CHAF1B: variants seen among roughly 807,000 people sequenced by gnomAD.
The protein encoded by CHAF1B is chromatin assembly factor 1 subunit B, also known as CAF-1 subunit B.
A neutral mutation model predicts 60.7 loss-of-function variants in CHAF1B; 10 were observed. That is an observed-to-expected ratio of 0.16 (90% confidence interval 0.10 to 0.28). The LOEUF is 0.28. Ranked by LOEUF, CHAF1B falls within the 10% of genes least tolerant of loss-of-function variation. The probability of loss-of-function intolerance (pLI) is 1.00; values close to 1 mark genes in which losing one functional copy is unlikely to be tolerated. For missense variants in CHAF1B, 558 were observed against 708.4 expected (o/e 0.79, Z 2.41); for synonymous variants, 261 against 266.1 (o/e 0.98, Z 0.19).
At chr21:36,400,437 C>T (rs1312423050) in intron 7 of CHAF1B, among the ~76,000 whole-genome samples, 1 of 152,098 alleles carries the variant, frequency 6.6e-6, no homozygotes, top group Non-Finnish European at 1.5e-5. Context: ...CACCATTGCA[C>T]TCCAGCCTGG....
intron 4 of CHAF1B, among the ~76,000 whole-genome samples, chr21:36,393,576 C>T (rs372211386): frequency 1.2e-4 from 18 of 150,796 alleles, no homozygotes; most frequent in Admixed American, 7.3e-4. Context: ...CTCAGCCTCC[C>T]GAGTAGCTGG....
At chr21:36,390,396 A>G (rs2086077398) in intron 3 of CHAF1B, among the ~76,000 whole-genome samples, 1 of 151,870 alleles carries the variant, frequency 6.6e-6, no homozygotes, top group African/African-American at 2.4e-5. Flanking sequence ...TCACAACCTC[A>G]TTCATTCACT....
At chr21:36,406,310 G>A (rs1170347155) in intron 8 of CHAF1B, among the ~76,000 whole-genome samples, 1 of 152,148 alleles carries the variant, frequency 6.6e-6, no homozygotes, top group Non-Finnish European at 1.5e-5. Context: ...TTTTTGAGAG[G>A]GTTTCACCCT....
chr21:36,397,443 TA>T lies in CHAF1B; in HGVS notation c.514del (p.Ser172ValfsTer6). ...AAAAGATATCAATTTTTAATGAACA[TA>T]AAAGTTATGTCCAAGGAGTAACCTG... ...GQKISIFNEH[K>X]SYVQGVTWDP... On this transcript the variant is annotated frameshift_variant, in exon 6 of 14. Transcript: ENST00000314103. LOFTEE classifies it high-confidence loss of function. 6.4e-7 allele frequency: 1 copy of T among 1,563,328 alleles called. No individual in the cohort carries two copies. The highest frequency in any genetic ancestry group is 8.7e-7 in the Non-Finnish European group (1 of 1,145,078).
intron 3 of CHAF1B, among the ~76,000 whole-genome samples, chr21:36,389,805 G>GCGCC (rs1461144860): frequency 6.6e-6 from 1 of 151,054 alleles, no homozygotes; most frequent in African/African-American, 2.4e-5. Flanking sequence ...GTGTGTGCGC[G>GCGCC]CGCACGCTGA....
At chr21:36,404,726 G>A (rs1437270791) in intron 8 of CHAF1B, among the ~76,000 whole-genome samples, 3 of 123,606 alleles carry the variant, frequency 2.4e-5, no homozygotes, top group South Asian at 2.6e-4. Context: ...GAGCCATTGC[G>A]CTGGCCTTTT....
At chr21:36,394,508 G>A (rs1601559142) in intron 4 of CHAF1B, 39 bp from the exon 5 acceptor site, 1 of 1,390,980 alleles carries the variant, frequency 7.2e-7, no homozygotes, top group Non-Finnish European at 1.0e-6. Flanking sequence ...CTATACCTGG[G>A]GAGTAATTGC....
In CHAF1B at chr21:36,417,277, GATAC is replaced by G. The variant is rs921241457; in HGVS notation, c.*915_*918del. 6.8e-6 allele frequency: 1 copy of G among 146,046 alleles called. No homozygotes were observed. The highest frequency in any genetic ancestry group is 2.6e-5 in the African/African-American group (1 of 38,814). 9.0% of individuals were successfully genotyped at this position (146,046 alleles called of 1,614,324 possible). On this transcript the variant is annotated 3_prime_UTR_variant, in exon 14 of 14. Transcript: ENST00000314103. ...TGCACCCACACACACACATATATAT[GATAC>G]ATATATATATATATACACACACACA...
intron 8 of CHAF1B, among the ~76,000 whole-genome samples, chr21:36,408,467 C>T (rs534777206): frequency 3.9e-5 from 6 of 152,274 alleles, no homozygotes; most frequent in East Asian, 1.9e-4. Context: ...GGAGGCTCAA[C>T]GGTGCCCTAT....
chr21:36,397,566 C>A (rs1175371220), intron 6 of CHAF1B, 55 bp downstream of exon 6: 14 of 961,052 alleles, frequency 1.5e-5, no homozygotes, highest in Non-Finnish European at 2.2e-5. Context: ...TTGGAATTTT[C>A]TGAAGAGAGG....
intron 6 of CHAF1B, 56 bp from the exon 7 acceptor site, chr21:36,399,465 G>A: frequency 2.0e-6 from 3 of 1,479,088 alleles, no homozygotes; most frequent in Non-Finnish European, 1.9e-6. Context: ...AGTTGTTTCT[G>A]TGTGAAGCAT....
At chr21:36,395,757 A>G (rs2086132635) in intron 5 of CHAF1B, among the ~76,000 whole-genome samples, 1 of 151,724 alleles carries the variant, frequency 6.6e-6, no homozygotes. Flanking sequence ...AAATGCCAAA[A>G]GCAAGTATGG....
intron 4 of CHAF1B, among the ~76,000 whole-genome samples, chr21:36,392,943 ACT>A (rs1042475071): frequency 7.9e-5 from 12 of 152,050 alleles, no homozygotes; most frequent in African/African-American, 2.9e-4. Context: ...AGTGAGTGAG[ACT>A]CTGTCTGCAA....
In CHAF1B at chr21:36,413,995, C is replaced by T. The variant is rs995011749; in HGVS notation, c.1493+680C>T. ...GCCTGGTCGGTGAGAAACGGAGGTC[C>T]TGATCTGATAACAAATAATCCCCAG... is the stretch of plus-strand genomic sequence containing the variant. On this transcript the variant is annotated intron_variant, in intron 12 of 13. Transcript: ENST00000314103. Among the ~76,000 whole-genome samples, 3 of 152,192 alleles carry T rather than the reference C, an allele frequency of 2.0e-5. No homozygotes were observed. The East Asian group carries it at 5.8e-4, about 29-fold the overall frequency.
Position 36,402,792 on chromosome 21 carries a change from T to A in CHAF1B, c.698T>A (p.Met233Lys). Residue 233 changes from methionine (M) to lysine (K), a missense_variant, in exon 8 of 14, where the codon ATG (methionine) becomes AAG (lysine). Met to Lys is a moderately conservative substitution (Grantham distance 95). This residue lies in a region of CHAF1B where 325 missense variants were observed against 493.5 expected (regional missense o/e 0.66). Transcript: ENST00000314103. ...RSYRMFHDDS[M>K]KSFFRRLSFT... is the part of the protein sequence containing the mutation. Reference sequence around the variant, plus strand: ...TACCGGATGTTTCACGACGACAGCATGAAGTCTTTCTTCCGTAGACTGAGT... The same window carrying A: ...TACCGGATGTTTCACGACGACAGCAAGAAGTCTTTCTTCCGTAGACTGAGT... 6.2e-7 allele frequency: 1 copy of A among 1,614,094 alleles called. No individual in the cohort carries two copies. Among genetic ancestry groups the A allele is most frequent in the South Asian group, 1.1e-5 (1 of 91,084 alleles).
At chr21:36,387,818 TGC>T in intron 3 of CHAF1B, 88 bp downstream of exon 3, 1 of 1,408,750 alleles carries the variant, frequency 7.1e-7, no homozygotes, top group South Asian at 1.3e-5. Flanking sequence ...GAGCTGGATA[TGC>T]TTTTTTTTTT....
chr21:36,396,357 T>TAAAA (rs2086138000), intron 5 of CHAF1B, among the ~76,000 whole-genome samples: 1 of 20,410 alleles, frequency 4.9e-5, no homozygotes, highest in Admixed American at 5.8e-4. Context: ...ACCAAAAACC[T>TAAAA]CAAAAAAAAA....
intron 2 of CHAF1B, among the ~76,000 whole-genome samples, 164 bp from the exon 3 acceptor site, chr21:36,387,434 T>C (rs1459527183): frequency 1.3e-5 from 2 of 152,112 alleles, no homozygotes; most frequent in African/African-American, 4.8e-5. Flanking sequence ...GTTTCCAGGC[T>C]GGTCTTGAAC....
chr21:36,403,684 G>A (rs2086211241), intron 8 of CHAF1B, among the ~76,000 whole-genome samples: 2 of 152,164 alleles, frequency 1.3e-5, no homozygotes, highest in Admixed American at 6.6e-5. Context: ...AAGTAGCAAG[G>A]ACTAGATAGG....
Sources: gnomAD v4.1 joint callset for allele counts (sites outside exome capture counted in the v4.1 genomes callset) on GRCh38, gnomAD v4.1.1 for gene constraint, gnomAD v4.1.1 regional missense constraint, MANE v1.5 for transcripts, NCBI Gene and HGNC (gene_info 2026-07-23, HGNC 2026-07-21) for gene names.